The following PDE4D variants were observed in gnomAD, a reference collection of about 807,000 sequenced individuals.
PDE4D encodes 3',5'-cyclic-AMP phosphodiesterase 4D.
In PDE4D, 24 loss-of-function variants were observed where a neutral mutation model predicts 87.4. That is an observed-to-expected ratio of 0.27 (90% CI 0.20 to 0.39). The LOEUF (loss-of-function observed/expected upper bound fraction) is 0.39, where lower values mean the gene tolerates loss of function less well. Ranked by LOEUF, PDE4D falls within the 10% of genes least tolerant of loss-of-function variation. The pLI is 1.00. For missense variants in PDE4D, 714 were observed against 1,041.0 expected, an observed-to-expected ratio of 0.69 and a Z score of 4.32; for synonymous variants, 384 against 383.2, an observed-to-expected ratio of 1.00 and a Z score of -0.02.
intron 1 of PDE4D, among the ~76,000 whole-genome samples, chr5:59,599,489 C>T (rs545888817): frequency 2.8e-4 from 42 of 152,056 alleles, no homozygotes; most frequent in African/African-American, 9.9e-4. Context: ...GATCCGCCCA[C>T]CTTGGTCTCC....
chr5:59,013,658 C>T (rs1193851671), intron 6 of PDE4D, among the ~76,000 whole-genome samples: 1 of 152,014 alleles, frequency 6.6e-6, no homozygotes, highest in Admixed American at 6.6e-5. Context: ...AATTAAGAGC[C>T]TACCAACCAA....
At chr5:59,504,904 G>GTGTA (rs1323783074) in intron 1 of PDE4D, among the ~76,000 whole-genome samples, 1 of 35,026 alleles carries the variant, frequency 2.9e-5, no homozygotes, top group Non-Finnish European at 6.1e-5. Context: ...AGGGGTATAT[G>GTGTA]TGTGTGTGTG....
intron 2 of PDE4D, among the ~76,000 whole-genome samples, chr5:60,058,660 T>C (rs1254949648): frequency 6.6e-6 from 1 of 151,954 alleles, no homozygotes; most frequent in Non-Finnish European, 1.5e-5. Flanking sequence ...GAGAGTTGTT[T>C]AAAAAATCAT....
chr5:59,643,701 C>T (rs1251519221), intron 1 of PDE4D, among the ~76,000 whole-genome samples: 1 of 152,178 alleles, frequency 6.6e-6, no homozygotes, highest in African/African-American at 2.4e-5. Flanking sequence ...TTTACATTTA[C>T]ATCTCTTCAG....
chr5:58,982,990 C>A (rs373674721), intron 11 of PDE4D, among the ~76,000 whole-genome samples: 1 of 152,218 alleles, frequency 6.6e-6, no homozygotes, highest in East Asian at 1.9e-4. Flanking sequence ...CAATCATATT[C>A]CTTCTAAGTC....
At chr5:59,818,809 C>A (rs1199699592) in intron 1 of PDE4D, among the ~76,000 whole-genome samples, 1 of 150,958 alleles carries the variant, frequency 6.6e-6, no homozygotes, top group Non-Finnish European at 1.5e-5. Context: ...GCCAAAAACT[C>A]TTATCAGGAT....
At chr5:60,210,269 CTG>C (rs1413634170) in intron 1 of PDE4D, among the ~76,000 whole-genome samples, 1 of 151,810 alleles carries the variant, frequency 6.6e-6, no homozygotes, top group African/African-American at 2.4e-5. Context: ...CAAAGATAAA[CTG>C]AGAATTGAAA....
chr5:60,295,442 G>A (rs1702923017), intron 1 of PDE4D, among the ~76,000 whole-genome samples: 1 of 152,170 alleles, frequency 6.6e-6, no homozygotes. Flanking sequence ...GGGAAAAGCA[G>A]TCTTTCATCT....
At chr5:59,709,477 C>G (rs1753900467) in intron 1 of PDE4D, among the ~76,000 whole-genome samples, 1 of 152,170 alleles carries the variant, frequency 6.6e-6, no homozygotes. Flanking sequence ...CAACTTGCTA[C>G]CCTGCTGAGA....
chr5:59,695,093 C>T (rs148738639), intron 1 of PDE4D, among the ~76,000 whole-genome samples: 2 of 152,148 alleles, frequency 1.3e-5, no homozygotes, highest in African/African-American at 2.4e-5. Flanking sequence ...TGGTCTCTAA[C>T]CTTTTAGGAT....
chr5:60,231,234 C>T (rs1745767719), intron 1 of PDE4D, among the ~76,000 whole-genome samples: 1 of 151,978 alleles, frequency 6.6e-6, no homozygotes, highest in African/African-American at 2.4e-5. Context: ...GTGCACGACA[C>T]TGTCCTAGCT....
chr5:59,229,169 C>T (rs999653497), intron 1 of PDE4D, among the ~76,000 whole-genome samples: 9 of 152,020 alleles, frequency 5.9e-5, no homozygotes, highest in South Asian at 2.1e-4. Context: ...CTACTTTGTT[C>T]GTTAATGTGT....
intron 1 of PDE4D, among the ~76,000 whole-genome samples, chr5:59,596,225 T>C (rs140816834): frequency 0.018 from 2,646 of 150,846 alleles, 86 homozygotes; most frequent in African/African-American, 0.06. Flanking sequence ...CATATATTTG[T>C]ATATATTTAT....
chr5:59,564,015 G>A (rs1193908867), intron 1 of PDE4D, among the ~76,000 whole-genome samples: 1 of 152,148 alleles, frequency 6.6e-6, no homozygotes, highest in African/African-American at 2.4e-5. Context: ...TGGAGGAAGG[G>A]AGCATGTACT....
intron 2 of PDE4D, among the ~76,000 whole-genome samples, chr5:60,088,275 A>G (rs1774746354): frequency 1.3e-5 from 2 of 152,038 alleles, no homozygotes; most frequent in Non-Finnish European, 2.9e-5. Flanking sequence ...CAATCTGAAA[A>G]AAAAATGGAT....
intron 1 of PDE4D, among the ~76,000 whole-genome samples, chr5:59,791,239 T>A (rs768481723): frequency 1.3e-5 from 2 of 152,252 alleles, no homozygotes; most frequent in Non-Finnish European, 2.9e-5. Flanking sequence ...AGCCTAAATA[T>A]GTTGTCCTTG....
intron 2 of PDE4D, among the ~76,000 whole-genome samples, chr5:59,200,042 C>A (rs28430839): frequency 9.5e-6 from 1 of 105,688 alleles, no homozygotes. Flanking sequence ...TGCACACACA[C>A]GTATGTACAC....
At chr5:59,915,770 G>T (rs1212604352) in intron 3 of PDE4D, among the ~76,000 whole-genome samples, 1 of 152,028 alleles carries the variant, frequency 6.6e-6, no homozygotes, top group Non-Finnish European at 1.5e-5. Context: ...AGTAAATCAG[G>T]TATTTTTCTA....
At chr5:59,281,915 C>A (rs975786567) in intron 1 of PDE4D, among the ~76,000 whole-genome samples, 11 of 152,190 alleles carry the variant, frequency 7.2e-5, no homozygotes, top group African/African-American at 2.7e-4. Flanking sequence ...TTGAAGATAA[C>A]AATTCACACC....
Sources: allele counts gnomAD v4.1 joint callset (sites outside exome capture counted in the v4.1 genomes callset), GRCh38; gene constraint gnomAD v4.1.1; transcripts MANE v1.5; gene names NCBI Gene and HGNC (gene_info 2026-07-23, HGNC 2026-07-21).